STXBP6: variants seen among roughly 807,000 people sequenced by gnomAD.
The protein encoded by STXBP6 is syntaxin-binding protein 6.
A neutral mutation model predicts 26.9 loss-of-function variants in STXBP6; 21 were observed. That is an observed-to-expected ratio of 0.78 (90% CI 0.55 to 1.12). STXBP6 has a LOEUF of 1.12. Among genes scored for constraint, STXBP6 ranks in the 50% most tolerant of loss-of-function variants. The probability of loss-of-function intolerance (pLI) is 0.00; values close to 1 mark genes in which losing one functional copy is unlikely to be tolerated. For missense variants in STXBP6, 232 were observed against 257.9 expected (o/e 0.90, Z 0.69); for synonymous variants, 97 against 92.6 (o/e 1.05, Z -0.27).
chr14:25,016,844 C>T (rs1261458175), intron 1 of STXBP6, among the ~76,000 whole-genome samples: 3 of 152,064 alleles, frequency 2.0e-5, no homozygotes, highest in South Asian at 2.1e-4. Flanking sequence ...CACAATACTT[C>T]GGGCTCTAAT....
chr14:24,874,226 G>A (rs1308442325), intron 2 of STXBP6, among the ~76,000 whole-genome samples: 1 of 152,170 alleles, frequency 6.6e-6, no homozygotes, highest in East Asian at 1.9e-4. Context: ...ATTGAGGGCA[G>A]GGTGTTGTGG....
Position 24,812,188 on chromosome 14 carries a change from T to TCCA in STXBP6, c.*518_*520dup, listed in dbSNP as rs1421391374. On this transcript the variant is annotated 3_prime_UTR_variant, in exon 6 of 6. Coordinates refer to ENST00000323944, the MANE Select transcript of STXBP6 (RefSeq NM_001394410.1). The stretch of plus-strand genomic sequence containing the variant: ...TTTTTCCCAATAAATTCAATTGTTT[T>TCCA]CCACAATGTAGAATTTTAATCTTCA... 1 of 152,236 alleles carries TCCA rather than the reference T, an allele frequency of 6.6e-6. No individual in the cohort carries two copies. The highest frequency in any genetic ancestry group is 6.5e-5 in the Admixed American group (1 of 15,282). 9.4% of individuals were successfully genotyped at this position (152,236 alleles called of 1,614,324 possible). A position where few individuals can be genotyped will look rare whatever the true frequency, so the allele number is the denominator to read the frequency against.
At chr14:24,823,538 G>T (rs1251888597) in intron 4 of STXBP6, among the ~76,000 whole-genome samples, 4 of 152,048 alleles carry the variant, frequency 2.6e-5, no homozygotes, top group Admixed American at 1.3e-4. Flanking sequence ...TACATATAGA[G>T]ATATTTGAAA....
chr14:25,049,958 C>T lies in STXBP6; in HGVS notation c.-113G>A. On this transcript the variant is annotated 5_prime_UTR_variant, in exon 1 of 6. Coordinates refer to ENST00000323944, the MANE Select transcript of STXBP6 (RefSeq NM_001394410.1). The surrounding 1 kb of genome is among the most constrained non-coding windows in gnomAD (Gnocchi z 5.6). ...ACGAGGCTCCTCCCCGGGGGGCTGC[C>T]CCGCGCGGGGCTCCGGGCTCCGGAC... The T allele has an allele frequency of 1.2e-6, 1 of 852,028 alleles. No individual in the cohort carries two copies. The allele number at this position is 852,028 out of a possible 1,614,324, so 52.8% of individuals were successfully genotyped here. A position where few individuals can be genotyped will look rare whatever the true frequency, so the allele number is the denominator to read the frequency against.
At chr14:24,970,847 C>T (rs759752290) in intron 2 of STXBP6, among the ~76,000 whole-genome samples, 6 of 152,162 alleles carry the variant, frequency 3.9e-5, no homozygotes, top group Non-Finnish European at 8.8e-5. Flanking sequence ...GCTCAAATTG[C>T]TTCGCATGTT....
intron 1 of STXBP6, among the ~76,000 whole-genome samples, chr14:25,027,966 C>T (rs144640066): frequency 5.3e-5 from 8 of 152,264 alleles, no homozygotes; most frequent in Non-Finnish European, 1.2e-4. Context: ...TTCAATTCTA[C>T]GAAGGCTGAA....
intron 4 of STXBP6, among the ~76,000 whole-genome samples, chr14:24,825,813 A>G (rs1300080555): frequency 6.6e-6 from 1 of 152,212 alleles, no homozygotes; most frequent in African/African-American, 2.4e-5. Context: ...CTCTTTAAAC[A>G]CTTAAATTCA....
intron 1 of STXBP6, among the ~76,000 whole-genome samples, chr14:24,985,167 C>T (rs542071896): frequency 7.2e-5 from 11 of 152,326 alleles, no homozygotes; most frequent in African/African-American, 2.6e-4. Context: ...AAAGGAGTTG[C>T]ACAGCCTTAT....
chr14:24,995,457 C>T (rs1359589825), intron 1 of STXBP6, among the ~76,000 whole-genome samples: 3 of 151,746 alleles, frequency 2.0e-5, no homozygotes, highest in African/African-American at 7.3e-5. Flanking sequence ...AATGGATGAA[C>T]CCATAAATGA....
chr14:24,985,135 C>T (rs1187728516), intron 1 of STXBP6, among the ~76,000 whole-genome samples: 1 of 152,220 alleles, frequency 6.6e-6, no homozygotes, highest in Non-Finnish European at 1.5e-5. Flanking sequence ...CTTGTGTGTG[C>T]ATATCATGCT....
chr14:24,987,994 C>T (rs118103685), intron 1 of STXBP6: 6,858 of 586,956 alleles, frequency 0.012, 61 homozygotes, highest in South Asian at 0.042. Flanking sequence ...GAAGAACAAT[C>T]AACAAGTTAG....
At chr14:24,869,578 G>A (rs2069852781) in intron 2 of STXBP6, among the ~76,000 whole-genome samples, 1 of 152,152 alleles carries the variant, frequency 6.6e-6, no homozygotes, top group South Asian at 2.1e-4. Context: ...GATATGCTCA[G>A]CTTTCTCTAT....
At chr14:25,037,690 A>C (rs937456722) in intron 1 of STXBP6, among the ~76,000 whole-genome samples, 1 of 152,226 alleles carries the variant, frequency 6.6e-6, no homozygotes, top group Non-Finnish European at 1.5e-5. Context: ...AGGTCATTTT[A>C]AAACCACCTA....
chr14:24,881,408 A>G (rs2070351110), intron 2 of STXBP6, among the ~76,000 whole-genome samples: 1 of 152,258 alleles, frequency 6.6e-6, no homozygotes, highest in Non-Finnish European at 1.5e-5. Flanking sequence ...CAAGTATTTG[A>G]GACTCCATTC....
At chr14:24,931,823 G>C (rs1481393331) in intron 2 of STXBP6, among the ~76,000 whole-genome samples, 2 of 152,150 alleles carry the variant, frequency 1.3e-5, no homozygotes, top group Non-Finnish European at 2.9e-5. Flanking sequence ...TCCAGGAGGT[G>C]GTACTGGGTA....
chr14:25,013,465 T>TACACAC (rs2075076618), intron 1 of STXBP6, among the ~76,000 whole-genome samples: 2 of 100,018 alleles, frequency 2.0e-5, no homozygotes, highest in African/African-American at 1.0e-4. Context: ...ACATCTCTCT[T>TACACAC]TCACACACAC....
chr14:25,032,497 C>T (rs556380483), intron 1 of STXBP6, among the ~76,000 whole-genome samples: 1 of 152,324 alleles, frequency 6.6e-6, no homozygotes, highest in African/African-American at 2.4e-5. Context: ...CTGATTCAAT[C>T]ACTTTATGGA....
chr14:24,835,638 C>T (rs552520023), intron 4 of STXBP6, among the ~76,000 whole-genome samples: 1 of 152,122 alleles, frequency 6.6e-6, no homozygotes, highest in African/African-American at 2.4e-5. Flanking sequence ...GAAGTTCTTT[C>T]TTCCTCACCT....
intron 4 of STXBP6, among the ~76,000 whole-genome samples, chr14:24,852,426 T>C (rs923291909): frequency 1.3e-5 from 2 of 152,106 alleles, no homozygotes; most frequent in South Asian, 4.1e-4. Flanking sequence ...TGGGTGGGCT[T>C]GTCCTCAACC....
Sources: allele counts gnomAD v4.1 joint callset (sites outside exome capture counted in the v4.1 genomes callset), GRCh38; gene constraint gnomAD v4.1.1; non-coding constraint Gnocchi (gnomAD v3.1); transcripts MANE v1.5; gene names NCBI Gene and HGNC (gene_info 2026-07-23, HGNC 2026-07-21).